LARGE1: variants seen among roughly 807,000 people sequenced by gnomAD.
LARGE1 encodes LARGE xylosyl- and glucuronyltransferase 1, also known as xylosyl- and glucuronyltransferase LARGE1.
In LARGE1, 43 loss-of-function variants were observed where a neutral mutation model predicts 87.6. The observed-to-expected ratio is 0.49, with a 90% CI of 0.38 to 0.63. The LOEUF (loss-of-function observed/expected upper bound fraction) is 0.63, where lower values mean the gene tolerates loss of function less well. Ranked by LOEUF, LARGE1 falls within the 30% of genes least tolerant of loss-of-function variation. The pLI, the probability that LARGE1 is intolerant of heterozygous loss-of-function variation, is 0.00. For synonymous variants in LARGE1, 434 were observed against 394.6 expected (o/e 1.10, Z -1.18); for missense variants, 802 against 1,000.2 (o/e 0.80, Z 2.67).
At chr22:33,873,622 G>A (rs567082769) in intron 1 of LARGE1, among the ~76,000 whole-genome samples, 1 of 152,234 alleles carries the variant, frequency 6.6e-6, no homozygotes, top group South Asian at 2.1e-4. Context: ...AACAGCCACT[G>A]ACCAGGGTCC....
At chr22:33,436,098 T>C (rs1044758042) in intron 6 of LARGE1, among the ~76,000 whole-genome samples, 1 of 152,078 alleles carries the variant, frequency 6.6e-6, no homozygotes. Flanking sequence ...AGATAAAGAG[T>C]GTGGACTGAA....
chr22:33,403,750 C>A (rs959901347), intron 7 of LARGE1, among the ~76,000 whole-genome samples: 1 of 152,036 alleles, frequency 6.6e-6, no homozygotes, highest in Non-Finnish European at 1.5e-5. Context: ...ATTACAAGTG[C>A]CTGCCACCAC....
intron 1 of LARGE1, among the ~76,000 whole-genome samples, chr22:33,903,509 G>T (rs1056905660): frequency 6.6e-6 from 1 of 152,018 alleles, no homozygotes; most frequent in African/African-American, 2.4e-5. Flanking sequence ...CACATTGTCA[G>T]AGATTCTTCA....
At chr22:33,094,829 C>T in the LARGE1 span, among the ~76,000 whole-genome samples, 352 of 152,352 alleles carry the variant, frequency 2.3e-3, 4 homozygotes, top group African/African-American at 8.2e-3. Flanking sequence ...AGTGATTCTC[C>T]TGCCTCAGCC....
chr22:33,109,195 C>G, the LARGE1 span: 1 of 152,068 alleles, frequency 6.6e-6, no homozygotes, highest in East Asian at 1.9e-4. Context: ...CAGGAAGTCT[C>G]AACACAGAGC....
At chr22:33,210,901 C>T (rs908747657) in intron 11 of LARGE1, among the ~76,000 whole-genome samples, 13 of 152,194 alleles carry the variant, frequency 8.5e-5, no homozygotes, top group South Asian at 2.1e-4. Flanking sequence ...CTCTGGCTGC[C>T]GTAACAAGGT....
chr22:33,596,314 T>C (rs2078974903), intron 5 of LARGE1, among the ~76,000 whole-genome samples: 1 of 152,226 alleles, frequency 6.6e-6, no homozygotes, highest in South Asian at 2.1e-4. Context: ...GTCTTATAAA[T>C]ACACAAAGGT....
At chr22:33,740,304 C>T (rs1295434642) in intron 2 of LARGE1, among the ~76,000 whole-genome samples, 1 of 152,202 alleles carries the variant, frequency 6.6e-6, no homozygotes, top group Non-Finnish European at 1.5e-5. Context: ...GGCATACATA[C>T]TTCTATTATA....
intron 6 of LARGE1, among the ~76,000 whole-genome samples, chr22:33,563,989 G>T (rs2148778147): frequency 6.6e-6 from 1 of 152,216 alleles, no homozygotes; most frequent in Non-Finnish European, 1.5e-5. Flanking sequence ...AAAATGCTGG[G>T]ATTTAAAATC....
intron 6 of LARGE1, among the ~76,000 whole-genome samples, chr22:33,559,669 T>G (rs2077796386): frequency 6.6e-6 from 1 of 152,146 alleles, no homozygotes; most frequent in Non-Finnish European, 1.5e-5. Context: ...ACACAAACCT[T>G]CAGGCCACAG....
chr22:33,758,227 C>T (rs1191983954), intron 2 of LARGE1, among the ~76,000 whole-genome samples: 6 of 152,142 alleles, frequency 3.9e-5, no homozygotes, highest in Non-Finnish European at 8.8e-5. Context: ...GCATGTACAC[C>T]CTGAGCCTCT....
At chr22:33,434,785 G>A (rs2067205230) in intron 6 of LARGE1, among the ~76,000 whole-genome samples, 1 of 152,150 alleles carries the variant, frequency 6.6e-6, no homozygotes, top group Non-Finnish European at 1.5e-5. Context: ...TTTGTTGCCT[G>A]TGGTCTAATT....
intron 1 of LARGE1, among the ~76,000 whole-genome samples, chr22:33,762,558 A>T (rs772801561): frequency 2.0e-5 from 3 of 152,146 alleles, no homozygotes; most frequent in African/African-American, 4.8e-5. Context: ...CTATCTTCAT[A>T]GCTTCCACCC....
chr22:33,781,939 G>A (rs970938480), intron 1 of LARGE1, among the ~76,000 whole-genome samples: 5 of 152,182 alleles, frequency 3.3e-5, no homozygotes, highest in South Asian at 4.1e-4. Context: ...GTGTGTGTGT[G>A]TATATACATA....
At chr22:33,249,031 T>G (rs1015686334) in intron 11 of LARGE1, among the ~76,000 whole-genome samples, 3 of 152,206 alleles carry the variant, frequency 2.0e-5, no homozygotes, top group Non-Finnish European at 2.9e-5. Flanking sequence ...ACATGTAGGT[T>G]TTCGTGTGGA....
At chr22:33,840,658 C>T (rs910099633) in intron 1 of LARGE1, among the ~76,000 whole-genome samples, 1 of 150,512 alleles carries the variant, frequency 6.6e-6, no homozygotes. Context: ...TAGGATAATT[C>T]GACTTAGATT....
chr22:33,598,438 T>C (rs572820836), intron 5 of LARGE1, among the ~76,000 whole-genome samples: 1 of 152,346 alleles, frequency 6.6e-6, no homozygotes, highest in African/African-American at 2.4e-5. Flanking sequence ...TTTTGTTATA[T>C]GGGTATACAT....
Position 33,581,169 on chromosome 22 carries a change from C to T in LARGE1, c.616-16150G>A, listed in dbSNP as rs193236808. ...AACTAAGACTTAGAAACATCATTGTCTCAAATTGCACTGCTAGTAAGTGGG... is the reference window on the plus strand; with the variant it reads ...AACTAAGACTTAGAAACATCATTGTTTCAAATTGCACTGCTAGTAAGTGGG... On this transcript the variant is annotated intron_variant, in intron 5 of 14. Coordinates refer to ENST00000397394, the MANE Select transcript of LARGE1 (RefSeq NM_133642.5). Among the ~76,000 whole-genome samples the T allele has an allele frequency of 4.6e-3, 699 of 152,288 alleles. 5 individuals carry two copies. The highest frequency in any genetic ancestry group is 7.1e-3 in the Non-Finnish European group (482 of 68,018).
At chr22:33,111,476 A>C in the LARGE1 span, among the ~76,000 whole-genome samples, 1 of 152,216 alleles carries the variant, frequency 6.6e-6, no homozygotes, top group Admixed American at 6.5e-5. Context: ...CCCACTCTGC[A>C]GCTGGAGCCC....
Sources: allele counts gnomAD v4.1 joint callset (sites outside exome capture counted in the v4.1 genomes callset), GRCh38; gene constraint gnomAD v4.1.1; transcripts MANE v1.5; gene names NCBI Gene and HGNC (gene_info 2026-07-23, HGNC 2026-07-21).